ANKS1B: variants seen among roughly 807,000 people sequenced by gnomAD.
ANKS1B encodes the protein ankyrin repeat and sterile alpha motif domain containing 1B.
ANKS1B carries 36 observed loss-of-function variants against 148.3 expected under a neutral mutation model. The ratio of observed to expected loss-of-function variants is 0.24; its 90% CI spans 0.19 to 0.32. The LOEUF is 0.32. Ranked by LOEUF, ANKS1B falls within the 10% of genes least tolerant of loss-of-function variation. ANKS1B has a pLI of 1.00. For synonymous variants in ANKS1B, 542 were observed against 560.8 expected (o/e 0.97, Z 0.47); for missense variants, 1,157 against 1,542.6 (o/e 0.75, Z 4.19).
chr12:99,640,097 G>A (rs374483673), intron 9 of ANKS1B, among the ~76,000 whole-genome samples: 43 of 152,222 alleles, frequency 2.8e-4, no homozygotes, highest in African/African-American at 9.1e-4. Flanking sequence ...ACTTGAACCC[G>A]GGAGGCAGAG....
chr12:98,887,377 G>C (rs1432463183), intron 17 of ANKS1B, among the ~76,000 whole-genome samples: 1 of 152,098 alleles, frequency 6.6e-6, no homozygotes, highest in Non-Finnish European at 1.5e-5. Flanking sequence ...CATTCATATT[G>C]TCATATTTTT....
intron 12 of ANKS1B, among the ~76,000 whole-genome samples, chr12:99,270,844 T>C (rs903071018): frequency 2.6e-5 from 4 of 152,230 alleles, no homozygotes; most frequent in African/African-American, 9.6e-5. Context: ...AAAAAGAATA[T>C]TTTAATTTAA....
intron 8 of ANKS1B, among the ~76,000 whole-genome samples, chr12:99,701,555 C>T (rs1230025680): frequency 6.6e-6 from 1 of 152,046 alleles, no homozygotes; most frequent in Non-Finnish European, 1.5e-5. Flanking sequence ...ATTGTATTCC[C>T]TCAGTTATTC....
chr12:99,064,404 A>G (rs1230359402), intron 16 of ANKS1B, among the ~76,000 whole-genome samples: 1 of 152,214 alleles, frequency 6.6e-6, no homozygotes, highest in East Asian at 1.9e-4. Flanking sequence ...CACATAGGGG[A>G]TCAGCTTCCA....
At chr12:99,830,310 A>G (rs1249566127) in intron 1 of ANKS1B, among the ~76,000 whole-genome samples, 10 of 152,206 alleles carry the variant, frequency 6.6e-5, no homozygotes, top group Non-Finnish European at 1.3e-4. Flanking sequence ...TTTGTTATCA[A>G]TCTTCTTGTT....
At chr12:99,586,898 C>A (rs2097647777) in intron 9 of ANKS1B, among the ~76,000 whole-genome samples, 1 of 151,940 alleles carries the variant, frequency 6.6e-6, no homozygotes, top group South Asian at 2.1e-4. Context: ...GATTCAATAA[C>A]CTCCCATTGG....
chr12:99,601,098 C>A (rs191806007), intron 9 of ANKS1B, among the ~76,000 whole-genome samples: 1 of 152,068 alleles, frequency 6.6e-6, no homozygotes, highest in Admixed American at 6.6e-5. Flanking sequence ...CATATATTTG[C>A]TTTCTGTATA....
chr12:99,502,115 G>A (rs7954272), intron 10 of ANKS1B, among the ~76,000 whole-genome samples: 15,835 of 152,006 alleles, frequency 0.1, 1,140 homozygotes, highest in East Asian at 0.29. Flanking sequence ...ATACATAGCT[G>A]TGTCTTCAAT....
intron 17 of ANKS1B, among the ~76,000 whole-genome samples, chr12:98,835,717 G>A (rs370314567): frequency 1.1e-4 from 16 of 152,056 alleles, no homozygotes; most frequent in Admixed American, 5.9e-4. Flanking sequence ...GAGGGTGGAC[G>A]GATGAATGAA....
At chr12:99,060,615 G>GTT (rs1555201930) in intron 16 of ANKS1B, among the ~76,000 whole-genome samples, 6 of 131,018 alleles carry the variant, frequency 4.6e-5, no homozygotes, top group East Asian at 2.3e-4. Flanking sequence ...TATATATGTG[G>GTT]TTATATATAT....
chr12:98,764,102 CTTT>C (rs1398203105), intron 25 of ANKS1B, among the ~76,000 whole-genome samples: 1 of 152,206 alleles, frequency 6.6e-6, no homozygotes, highest in Admixed American at 6.5e-5. Flanking sequence ...AACATGCAAT[CTTT>C]ATCCTGTAAC....
chr12:99,130,690 T>G (rs2065849924), intron 15 of ANKS1B, among the ~76,000 whole-genome samples: 1 of 152,152 alleles, frequency 6.6e-6, no homozygotes, highest in Non-Finnish European at 1.5e-5. Context: ...ACGGATTAAG[T>G]TCAAATGCCT....
rs549136563 is a variant in ANKS1B, at chr12:99,013,600, A to G, written c.2778+39557T>C. 2.0e-5 allele frequency among the ~76,000 whole-genome samples: 3 copies of G among 152,314 alleles called. No individual in the cohort carries two copies. In the South Asian group the frequency reaches 6.2e-4, roughly 32 times the overall value. The stretch of plus-strand genomic sequence containing the variant: ...CTTTGTTTGCAGATGACATGACTGT[A>G]TATCTAGAAAACCTCATAATCTCAG... On this transcript the variant is annotated intron_variant, in intron 17 of 26. Transcript: ENST00000683438.
chr12:99,882,856 C>T (rs557213482), intron 1 of ANKS1B, among the ~76,000 whole-genome samples: 2 of 152,204 alleles, frequency 1.3e-5, no homozygotes, highest in Middle Eastern at 6.8e-3. Flanking sequence ...AGAAAGTGCA[C>T]TCATTTTTAA....
chr12:98,772,968 T>C, intron 25 of ANKS1B, 74 bp downstream of exon 25: 2 of 1,534,068 alleles, frequency 1.3e-6, no homozygotes, highest in Non-Finnish European at 1.8e-6. Context: ...GTGTTAATTA[T>C]AAGTTGGGCT....
intron 17 of ANKS1B, among the ~76,000 whole-genome samples, chr12:98,945,515 A>AC (rs2099844011): frequency 4.2e-5 from 5 of 120,232 alleles, no homozygotes; most frequent in East Asian, 2.5e-4. Context: ...CAAAAAAAAA[A>AC]AAAAAAAAAA....
intron 20 of ANKS1B, among the ~76,000 whole-genome samples, chr12:98,804,911 A>T (rs2099038133): frequency 6.6e-6 from 1 of 152,216 alleles, no homozygotes; most frequent in African/African-American, 2.4e-5. Context: ...ATTAAATAAC[A>T]GACCTAAGAA....
intron 8 of ANKS1B, among the ~76,000 whole-genome samples, chr12:99,724,679 C>T (rs1051870012): frequency 1.3e-5 from 2 of 151,872 alleles, no homozygotes; most frequent in South Asian, 2.1e-4. Context: ...CTCCATGAGA[C>T]AATCAACCCC....
At chr12:99,959,122 G>A (rs554990462) in intron 1 of ANKS1B, among the ~76,000 whole-genome samples, 12 of 149,182 alleles carry the variant, frequency 8.0e-5, no homozygotes, top group Middle Eastern at 3.4e-3. Context: ...GTGGCATGGC[G>A]CGATCTTGGC....
Sources: gnomAD v4.1 joint callset for allele counts (sites outside exome capture counted in the v4.1 genomes callset) on GRCh38, gnomAD v4.1.1 for gene constraint, MANE v1.5 for transcripts, NCBI Gene and HGNC (gene_info 2026-07-23, HGNC 2026-07-21) for gene names.